STK3: variants seen among roughly 807,000 people sequenced by gnomAD.
The protein encoded by STK3 is serine/threonine-protein kinase 3.
A neutral mutation model predicts 58.0 loss-of-function variants in STK3; 41 were observed. That is an observed-to-expected ratio of 0.71 (90% CI 0.55 to 0.92). STK3 has a LOEUF of 0.92. Among genes scored for constraint, STK3 ranks in the 40% least tolerant of loss-of-function variants. The pLI, the probability that STK3 is intolerant of heterozygous loss-of-function variation, is 0.00. For synonymous variants in STK3, 170 were observed against 191.0 expected (o/e 0.89, Z 0.91); for missense variants, 479 against 602.7 (o/e 0.79, Z 2.15).
Position 98,677,758 on chromosome 8 carries a change from C to T in STK3, c.684+28709G>A, listed in dbSNP as rs116620696. Among the ~76,000 whole-genome samples, 1,034 of 152,262 alleles carry T rather than the reference C, an allele frequency of 6.8e-3. 8 individuals are homozygous for T. The highest frequency in any genetic ancestry group is 0.023 in the African/African-American group (970 of 41,560). On this transcript the variant is annotated intron_variant, in intron 6 of 10. Transcript: ENST00000419617. Reference sequence around the variant, plus strand: ...TGGGTACTTGTCATTCTGCCTTCACCCTTTTTCTTCCCTCTCCTAGGAATT... The same window carrying T: ...TGGGTACTTGTCATTCTGCCTTCACTCTTTTTCTTCCCTCTCCTAGGAATT...
intron 10 of STK3, among the ~76,000 whole-genome samples, chr8:98,487,523 AC>A (rs1401128586): frequency 2.0e-5 from 3 of 152,210 alleles, no homozygotes; most frequent in Admixed American, 2.0e-4. Flanking sequence ...TCTACTACTT[AC>A]CCTGTCACCT....
downstream of STK3, among the ~76,000 whole-genome samples, chr8:98,451,384 A>C (rs758422311): frequency 6.6e-6 from 1 of 152,190 alleles, no homozygotes; most frequent in Non-Finnish European, 1.5e-5. Flanking sequence ...GGCTCAAATA[A>C]AACAATAATG....
At chr8:98,479,206 G>A (rs1821623733) in intron 10 of STK3, among the ~76,000 whole-genome samples, 2 of 152,120 alleles carry the variant, frequency 1.3e-5, no homozygotes, top group South Asian at 4.1e-4. Flanking sequence ...ACAAAGAAGC[G>A]GCCGGGTGCG....
At chr8:98,485,870 C>A (rs1372685609) in intron 10 of STK3, among the ~76,000 whole-genome samples, 10 of 151,980 alleles carry the variant, frequency 6.6e-5, no homozygotes, top group Non-Finnish European at 1.5e-4. Context: ...AAGTAGGGGG[C>A]CATGAAAGTC....
At chr8:98,714,715 A>T (rs893475945) in intron 4 of STK3, among the ~76,000 whole-genome samples, 1 of 152,200 alleles carries the variant, frequency 6.6e-6, no homozygotes, top group Non-Finnish European at 1.5e-5. Flanking sequence ...GTCCAAGGTA[A>T]TTTATAGATT....
At chr8:98,803,381 G>A (rs1833694419) in intron 1 of STK3, among the ~76,000 whole-genome samples, 1 of 151,958 alleles carries the variant, frequency 6.6e-6, no homozygotes, top group African/African-American at 2.4e-5. Flanking sequence ...CACGAGGTCA[G>A]GAGATGGAGA....
intron 1 of STK3, among the ~76,000 whole-genome samples, chr8:98,810,503 T>C (rs915797750): frequency 6.6e-6 from 1 of 152,138 alleles, no homozygotes; most frequent in Admixed American, 6.5e-5. Flanking sequence ...GTAGTTTCCA[T>C]TGCATTTCCC....
At chr8:98,694,473 T>C (rs1824687321) in intron 6 of STK3, among the ~76,000 whole-genome samples, 1 of 152,188 alleles carries the variant, frequency 6.6e-6, no homozygotes, top group Non-Finnish European at 1.5e-5. Context: ...TAGCATTAAG[T>C]ATATCTCCTA....
chr8:98,793,373 C>CA (rs1459462824), intron 1 of STK3, among the ~76,000 whole-genome samples: 6 of 151,886 alleles, frequency 4.0e-5, no homozygotes, highest in Non-Finnish European at 7.4e-5. Flanking sequence ...CCCATCTCTA[C>CA]AAAAAATACA....
chr8:98,726,114 C>G (rs534486275), intron 4 of STK3, among the ~76,000 whole-genome samples: 2 of 152,296 alleles, frequency 1.3e-5, no homozygotes, highest in South Asian at 4.1e-4. Context: ...GACAGGCAGT[C>G]TGCCTGCAGA....
chr8:98,814,883 T>A (rs949209959), intron 1 of STK3, among the ~76,000 whole-genome samples: 14 of 152,166 alleles, frequency 9.2e-5, no homozygotes, highest in African/African-American at 3.4e-4. Flanking sequence ...GGTTTTGCCA[T>A]GTTGCCCAGG....
At position 98,654,164 on chromosome 8, in the gene STK3, C is replaced by G. The variant is rs1408023170; in HGVS notation, c.684+52303G>C. Among the ~76,000 whole-genome samples the G allele has an allele frequency of 3.3e-5, 5 of 152,186 alleles. No homozygotes were observed. In the East Asian group the frequency reaches 7.7e-4, roughly 23 times the overall value. ...TCAAGTTGGATTCATCCCTGGGATG[C>G]AAGGCTGGTTCGATATACAGAAATC... On this transcript the variant is annotated intron_variant, in intron 6 of 10. Transcript: ENST00000419617.
At chr8:98,934,402 C>G (rs1308868376) in intron 1 of STK3, among the ~76,000 whole-genome samples, 1 of 152,208 alleles carries the variant, frequency 6.6e-6, no homozygotes, top group Admixed American at 6.5e-5. Context: ...AAGTCCGACC[C>G]ACCTTCTTTG....
intron 3 of STK3, chr8:98,427,813 C>G: frequency 1.7e-6 from 1 of 603,064 alleles, no homozygotes. Flanking sequence ...CAAACTCTTG[C>G]CCCAGCCCAG....
intron 7 of STK3, among the ~76,000 whole-genome samples, chr8:98,591,029 A>G (rs1248007897): frequency 1.3e-5 from 2 of 152,340 alleles, no homozygotes; most frequent in East Asian, 3.9e-4. Context: ...TTAAAAATAT[A>G]CAGATAGTCC....
rs188991260 is a variant in STK3, at chr8:98,592,973, A to T, written c.822+3059T>A. On this transcript the variant is annotated intron_variant, in intron 7 of 10. Coordinates refer to ENST00000419617, the MANE Select transcript of STK3 (RefSeq NM_006281.4). ...TAGACGGGGTTTCACTATGTTGGCC[A>T]GGCTGGTCTTGAACTCCTGATCTCA... 9.2e-3 allele frequency among the ~76,000 whole-genome samples: 1,399 copies of T among 152,166 alleles called. 18 individuals carry two copies. Among genetic ancestry groups the T allele is most frequent in the African/African-American group, 0.032 (1,323 of 41,516 alleles).
intron 3 of STK3, among the ~76,000 whole-genome samples, chr8:98,408,181 G>C (rs1444835111): frequency 2.6e-5 from 4 of 152,144 alleles, no homozygotes; most frequent in Non-Finnish European, 5.9e-5. Flanking sequence ...GGAAAAAGGG[G>C]GTAGTTTGGA....
intron 10 of STK3, among the ~76,000 whole-genome samples, chr8:98,517,969 A>T (rs936866542): frequency 6.6e-6 from 1 of 152,068 alleles, no homozygotes; most frequent in African/African-American, 2.4e-5. Flanking sequence ...GCCACAACAT[A>T]TGCTTGGAGT....
intron 9 of STK3, among the ~76,000 whole-genome samples, chr8:98,546,424 T>A (rs1223162050): frequency 1.3e-5 from 2 of 152,156 alleles, no homozygotes; most frequent in Non-Finnish European, 2.9e-5. Flanking sequence ...TATGACTGCA[T>A]GAAAAGTTGT....
Sources: allele counts gnomAD v4.1 joint callset (sites outside exome capture counted in the v4.1 genomes callset), GRCh38; gene constraint gnomAD v4.1.1; transcripts MANE v1.5; gene names NCBI Gene and HGNC (gene_info 2026-07-23, HGNC 2026-07-21).